The following ADAM7 variants were observed in gnomAD, a reference collection of about 807,000 sequenced individuals.
The protein encoded by ADAM7 is disintegrin and metalloproteinase domain-containing protein 7.
ADAM7 carries 97 observed loss-of-function variants against 102.9 expected under a neutral mutation model. The ratio of observed to expected loss-of-function variants is 0.94; its 90% CI spans 0.80 to 1.12. ADAM7 has a LOEUF of 1.12. Among genes scored for constraint, ADAM7 ranks in the 50% most tolerant of loss-of-function variants. ADAM7 has a pLI of 0.00. For missense variants in ADAM7, 991 were observed against 908.7 expected (o/e 1.09, Z -1.16); for synonymous variants, 334 against 304.4 (o/e 1.10, Z -1.01).
intron 3 of ADAM7, among the ~76,000 whole-genome samples, chr8:24,449,089 T>A (rs1818678014): frequency 6.6e-6 from 1 of 152,186 alleles, no homozygotes; most frequent in Admixed American, 6.5e-5. Flanking sequence ...TCTTTGCTAT[T>A]GTGAATAGAG....
chr8:24,450,128 T>C (rs1016001086), intron 3 of ADAM7, among the ~76,000 whole-genome samples: 2 of 152,222 alleles, frequency 1.3e-5, no homozygotes, highest in African/African-American at 4.8e-5. Flanking sequence ...GACTTGGCGA[T>C]GCGGGCTCTT....
intron 3 of ADAM7, among the ~76,000 whole-genome samples, chr8:24,458,890 C>A (rs894429546): frequency 6.6e-6 from 1 of 151,716 alleles, no homozygotes; most frequent in Non-Finnish European, 1.5e-5. Flanking sequence ...GATTTTTGTT[C>A]ATTATACCTT....
intron 13 of ADAM7, among the ~76,000 whole-genome samples, chr8:24,491,122 A>G (rs1207970136): frequency 6.6e-6 from 1 of 152,212 alleles, no homozygotes; most frequent in Non-Finnish European, 1.5e-5. Context: ...GAGGGAAGTC[A>G]CATGACCAGC....
chr8:24,493,483 T>C (rs73672220), intron 16 of ADAM7, among the ~76,000 whole-genome samples: 2 of 51,394 alleles, frequency 3.9e-5, no homozygotes, highest in African/African-American at 3.4e-4. Flanking sequence ...GATATCTAAT[T>C]AGACATGGAT....
intron 16 of ADAM7, among the ~76,000 whole-genome samples, chr8:24,497,039 T>C (rs1472640899): frequency 1.3e-5 from 2 of 152,136 alleles, no homozygotes; most frequent in African/African-American, 4.8e-5. Context: ...CACTGGGAGG[T>C]AAGTGAATCA....
chr8:24,457,039 A>G (rs1455981036), intron 3 of ADAM7, among the ~76,000 whole-genome samples: 1 of 152,142 alleles, frequency 6.6e-6, no homozygotes, highest in Non-Finnish European at 1.5e-5. Context: ...ATTCTTTTCC[A>G]AGGTGTTTGT....
chr8:24,441,104 T>C lies in ADAM7; in HGVS notation c.-5T>C, dbSNP rs763809822. 5 of 1,613,252 alleles carry C rather than the reference T, an allele frequency of 3.1e-6. No homozygotes were observed. In the African/African-American group the frequency reaches 5.3e-5, roughly 17 times the overall value. ...TTCTGCTCTCCTCTACCAGAATCAC[T>C]CAGAATGCTTCCCGGGTGTATATTC... is the stretch of plus-strand genomic sequence containing the variant. On this transcript the variant is annotated 5_prime_UTR_variant, in exon 1 of 22. Coordinates refer to ENST00000175238, the MANE Select transcript of ADAM7 (RefSeq NM_003817.4).
Position 24,509,162 on chromosome 8 carries a change from C to T in ADAM7, c.*616C>T, listed in dbSNP as rs1436978623. The T allele has an allele frequency of 1.0e-6, 1 of 985,284 alleles. No individual in the cohort carries two copies. The highest frequency in any genetic ancestry group is 4.7e-5 in the South Asian group (1 of 21,284). The allele number at this position is 985,284 out of a possible 1,614,324, so 61.0% of individuals were successfully genotyped here. ...AGAATGCTCCTGGCAATTCTAAATT[C>T]CTAGGTTTGCCTTTCTAGAATTCCT... On this transcript the variant is annotated 3_prime_UTR_variant, in exon 22 of 22. Coordinates refer to ENST00000175238, the MANE Select transcript of ADAM7 (RefSeq NM_003817.4).
intron 8 of ADAM7, among the ~76,000 whole-genome samples, chr8:24,477,063 G>A (rs1819791633): frequency 6.6e-6 from 1 of 152,114 alleles, no homozygotes; most frequent in Admixed American, 6.6e-5. Context: ...AAGCTGTAAG[G>A]AAGGCCCCTC....
At chr8:24,483,444 C>T (rs1256025712) in intron 9 of ADAM7, among the ~76,000 whole-genome samples, 2 of 152,122 alleles carry the variant, frequency 1.3e-5, no homozygotes, top group Non-Finnish European at 2.9e-5. Context: ...GGTATTTCTC[C>T]TAAGGTCTGC....
chr8:24,483,263 A>G (rs189655571), intron 9 of ADAM7, among the ~76,000 whole-genome samples: 3 of 152,298 alleles, frequency 2.0e-5, no homozygotes, highest in Admixed American at 2.0e-4. Flanking sequence ...TAATTATGGA[A>G]CTGAATGTAA....
At position 24,492,021 on chromosome 8, in the gene ADAM7, G is replaced by A. The variant is rs199631696; in HGVS notation, c.1475G>A (p.Cys492Tyr). 246 of 1,613,880 alleles carry A rather than the reference G, an allele frequency of 1.5e-4. No individual in the cohort carries two copies. Among genetic ancestry groups the A allele is most frequent in the Non-Finnish European group, 2.0e-4 (239 of 1,179,902 alleles). The change falls in exon 14 of 22, where the codon TGC becomes TAC. Residue 492 changes from cysteine (C) to tyrosine (Y), a missense_variant. By Grantham distance (194) the Cys-to-Tyr change is radical (BLOSUM62 -2). Transcript: ENST00000175238. ...CAGTTCAGGGTCAATGGATTTCCTTGCAAGAACTCAGAAGGCTACTGTTTC... is the reference window on the plus strand; with the variant it reads ...CAGTTCAGGGTCAATGGATTTCCTTACAAGAACTCAGAAGGCTACTGTTTC... ...KDQFRVNGFPCKNSEGYCFMG... is the reference protein window; with the variant it reads ...KDQFRVNGFPYKNSEGYCFMG...
intron 12 of ADAM7, among the ~76,000 whole-genome samples, chr8:24,489,779 G>A (rs1279348697): frequency 1.3e-5 from 2 of 152,150 alleles, no homozygotes; most frequent in African/African-American, 4.8e-5. Context: ...ACCTTCAAAT[G>A]TTTCATGTAT....
Position 24,482,269 on chromosome 8 carries a change from T to A in ADAM7, c.833T>A (p.Ile278Asn), listed in dbSNP as rs1360843625. 1.2e-6 allele frequency: 2 copies of A among 1,611,266 alleles called. No homozygotes were observed. ...LLRFSFWQEK[I>N]LKTRKDFDHV... ...CGTTTTTCATTTTGGCAAGAAAAGATCCTTAAAACACGGAAGGATTTTGAT... is the reference window on the plus strand; with the variant it reads ...CGTTTTTCATTTTGGCAAGAAAAGAACCTTAAAACACGGAAGGATTTTGAT... Residue 278 changes from isoleucine to asparagine, a missense_variant, in exon 9 of 22, where the codon ATC (isoleucine) becomes AAC (asparagine). Transcript: ENST00000175238.
At chr8:24,467,233 G>T (rs1819458320) in intron 6 of ADAM7, 3 of 521,176 alleles carry the variant, frequency 5.8e-6, no homozygotes, top group African/African-American at 3.9e-5. Flanking sequence ...TGATAACATT[G>T]GGGCTATGAG....
intron 13 of ADAM7, among the ~76,000 whole-genome samples, chr8:24,491,325 A>G (rs1481291169): frequency 6.6e-6 from 1 of 152,196 alleles, no homozygotes; most frequent in East Asian, 1.9e-4. Flanking sequence ...GAGTTTACTG[A>G]CACTTCTTTC....
rs565934711 is a variant in ADAM7, at chr8:24,445,239, T to TTC, written c.157-1945_157-1944dup. Among the ~76,000 whole-genome samples the TTC allele has an allele frequency of 3.0e-4, 46 of 152,136 alleles. No individual in the cohort carries two copies. The East Asian group carries it at 8.7e-3, about 29-fold the overall frequency. ...ATGTTGCAAAATGTGACCAAACCCT[T>TTC]TCTATCTGATTAAGTACCCACCCTA... On this transcript the variant is annotated intron_variant, in intron 2 of 21. Transcript: ENST00000175238.
chr8:24,442,784 A>G (rs989447306), intron 2 of ADAM7, among the ~76,000 whole-genome samples: 2 of 148,160 alleles, frequency 1.3e-5, no homozygotes, highest in Non-Finnish European at 3.0e-5. Context: ...AGGGAATACC[A>G]TTCTAAATTT....
At chr8:24,441,624 A>T (rs977918567) in intron 1 of ADAM7, among the ~76,000 whole-genome samples, 4 of 152,168 alleles carry the variant, frequency 2.6e-5, no homozygotes, top group African/African-American at 9.7e-5. Context: ...TTTAAGTATC[A>T]CACCTTAATT....
Sources: gnomAD v4.1 joint callset for allele counts (sites outside exome capture counted in the v4.1 genomes callset) on GRCh38, gnomAD v4.1.1 for gene constraint, MANE v1.5 for transcripts, NCBI Gene and HGNC (gene_info 2026-07-23, HGNC 2026-07-21) for gene names.